The following TYW1 variants were observed in gnomAD, a reference collection of about 807,000 sequenced individuals.
TYW1 encodes the protein tRNA-yW synthesizing protein 1 homolog.
A neutral mutation model predicts 96.2 loss-of-function variants in TYW1; 46 were observed. The ratio of observed to expected loss-of-function variants is 0.48; its 90% CI spans 0.38 to 0.61. TYW1 has a LOEUF of 0.61. Ranked by LOEUF, TYW1 falls within the 20% of genes least tolerant of loss-of-function variation. The probability of loss-of-function intolerance (pLI) is 0.00; values close to 1 mark genes in which losing one functional copy is unlikely to be tolerated. For synonymous variants in TYW1, 274 were observed against 323.0 expected, an observed-to-expected ratio of 0.85 and a Z score of 1.63; for missense variants, 684 against 909.6, an observed-to-expected ratio of 0.75 and a Z score of 3.19.
At chr7:67,174,534 A>G (rs1400575055) in intron 13 of TYW1, among the ~76,000 whole-genome samples, 1 of 151,416 alleles carries the variant, frequency 6.6e-6, no homozygotes, top group Non-Finnish European at 1.5e-5. Flanking sequence ...TACTTAGTAA[A>G]GGAAATAGGT....
At position 67,009,652 on chromosome 7, in the gene TYW1, G is replaced by T; in HGVS notation, c.343G>T (p.Glu115Ter). The change falls in exon 4 of 16, where the codon GAA becomes TAA. Residue 115 changes from glutamate to a stop codon, truncating the protein, a stop_gained. Transcript: ENST00000359626. LOFTEE classifies it high-confidence loss of function. ...DLPVAIINLK[E>*]YDPDDHLIEE... The stretch of plus-strand genomic sequence containing the variant: ...GCCTGTGGCCATTATTAATCTAAAA[G>T]AATATGATCCAGATGATCATCTGAT... 1.9e-6 allele frequency: 3 copies of T among 1,611,130 alleles called. No individual in the cohort carries two copies. The highest frequency in any genetic ancestry group is 2.5e-6 in the Non-Finnish European group (3 of 1,179,408).
At position 67,073,200 on chromosome 7, in the gene TYW1, G is replaced by A. The variant is rs370682953; in HGVS notation, c.1274+5797G>A. ...TTAAATCAGTGGTTCTCAACTGGGG[G>A]CAAAATTGCTATTTCTTGTCCCATA... On this transcript the variant is annotated intron_variant, in intron 10 of 15. Coordinates refer to ENST00000359626, the MANE Select transcript of TYW1 (RefSeq NM_018264.4). 5.3e-5 allele frequency among the ~76,000 whole-genome samples: 8 copies of A among 151,996 alleles called. No individual in the cohort carries two copies. The East Asian group carries it at 5.8e-4, about 11-fold the overall frequency.
chr7:67,045,199 GA>G (rs992068167), intron 7 of TYW1, among the ~76,000 whole-genome samples: 4 of 151,322 alleles, frequency 2.6e-5, no homozygotes, highest in Non-Finnish European at 5.9e-5. Context: ...GGTATCGTAT[GA>G]TTTTTTTTTT....
chr7:67,102,429 T>C (rs1377034017), intron 12 of TYW1, among the ~76,000 whole-genome samples: 2 of 152,148 alleles, frequency 1.3e-5, no homozygotes, highest in Admixed American at 6.5e-5. Context: ...ACAAATGAGA[T>C]AGAATGGCAT....
chr7:67,005,450 G>C (rs1276794501), intron 3 of TYW1, among the ~76,000 whole-genome samples: 1 of 152,184 alleles, frequency 6.6e-6, no homozygotes, highest in Non-Finnish European at 1.5e-5. Context: ...TCAAAAATTA[G>C]CCAGGCATGG....
At chr7:67,106,038 C>A (rs1294880211) in intron 12 of TYW1, among the ~76,000 whole-genome samples, 4 of 151,936 alleles carry the variant, frequency 2.6e-5, no homozygotes, top group African/African-American at 4.8e-5. Context: ...GCTGGGATTA[C>A]AGGCATTTGC....
At chr7:67,097,773 G>A (rs6958056) in intron 11 of TYW1, among the ~76,000 whole-genome samples, 26,074 of 151,310 alleles carry the variant, frequency 0.17, 2,515 homozygotes, top group African/African-American at 0.27. Context: ...GTTCACTGCA[G>A]CCTCAATCTC....
At chr7:67,225,089 G>A (rs1177588411) in intron 15 of TYW1, among the ~76,000 whole-genome samples, 10 of 151,370 alleles carry the variant, frequency 6.6e-5, no homozygotes, top group African/African-American at 2.4e-4. Flanking sequence ...TACTTGGGAG[G>A]CTGAGGCTGG....
intron 6 of TYW1, 50 bp downstream of exon 6, chr7:67,018,193 G>T (rs781143857): frequency 9.5e-6 from 15 of 1,578,354 alleles, no homozygotes; most frequent in Middle Eastern, 1.7e-4. Context: ...TCTGCTTGGA[G>T]ATCTCGAGCT....
intron 13 of TYW1, among the ~76,000 whole-genome samples, chr7:67,160,522 GTATACA>G (rs58873729): frequency 0.19 from 27,930 of 145,456 alleles, 2,824 homozygotes; most frequent in East Asian, 0.25. Context: ...TAAGGTATGT[GTATACA>G]TATACATATA....
chr7:67,025,942 A>C (rs1223532548), intron 7 of TYW1, among the ~76,000 whole-genome samples: 3 of 152,258 alleles, frequency 2.0e-5, no homozygotes, highest in Non-Finnish European at 4.4e-5. Flanking sequence ...CAGTAAGGTT[A>C]GCAGGATATC....
At chr7:67,197,463 C>T (rs1266963382) in intron 15 of TYW1, among the ~76,000 whole-genome samples, 1 of 152,072 alleles carries the variant, frequency 6.6e-6, no homozygotes, top group Non-Finnish European at 1.5e-5. Context: ...GTAGCTGGGA[C>T]TACAGGCGTG....
intron 15 of TYW1, among the ~76,000 whole-genome samples, chr7:67,227,554 G>GCC (rs1394855808): frequency 6.6e-6 from 1 of 151,990 alleles, no homozygotes; most frequent in African/African-American, 2.4e-5. Context: ...ACCAAACCCG[G>GCC]CCCCCACACC....
intron 10 of TYW1, among the ~76,000 whole-genome samples, chr7:67,082,971 G>C (rs572379580): frequency 6.6e-6 from 1 of 150,870 alleles, no homozygotes; most frequent in Non-Finnish European, 1.5e-5. Flanking sequence ...TTGGGTCCCA[G>C]GTGGAGGTTC....
intron 13 of TYW1, among the ~76,000 whole-genome samples, chr7:67,152,250 T>A (rs1297010579): frequency 6.6e-6 from 1 of 152,160 alleles, no homozygotes; most frequent in Non-Finnish European, 1.5e-5. Flanking sequence ...AAAAGTTAGC[T>A]GACCCCTGGA....
chr7:67,082,858 T>C (rs7801361), intron 10 of TYW1, among the ~76,000 whole-genome samples: 50,675 of 151,880 alleles, frequency 0.33, 8,973 homozygotes, highest in African/African-American at 0.45. Context: ...GGAGTGATGG[T>C]GGTGGGACCT....
intron 12 of TYW1, 32 bp downstream of exon 12, chr7:67,098,750 T>G (rs368638529): frequency 6.5e-7 from 1 of 1,548,560 alleles, no homozygotes; most frequent in Non-Finnish European, 8.7e-7. Context: ...GAGATGCTGC[T>G]TGAATCTATG....
chr7:67,073,767 CAAAAAAAAAAAAA>C (rs71526599), intron 10 of TYW1, among the ~76,000 whole-genome samples: 8 of 42,328 alleles, frequency 1.9e-4, no homozygotes, highest in Middle Eastern at 0.031. Context: ...CGAGACTCTT[CAAAAAAAAAAAAA>C]AAAAAAAAAA....
chr7:67,191,825 C>T (rs1230842548), intron 14 of TYW1, among the ~76,000 whole-genome samples: 3 of 151,998 alleles, frequency 2.0e-5, no homozygotes, highest in African/African-American at 7.3e-5. Flanking sequence ...GCCTCTGGCT[C>T]TGCGGTTGAC....
Sources: allele counts gnomAD v4.1 joint callset (sites outside exome capture counted in the v4.1 genomes callset), GRCh38; gene constraint gnomAD v4.1.1; transcripts MANE v1.5; gene names NCBI Gene and HGNC (gene_info 2026-07-23, HGNC 2026-07-21).